SLC6A3: variants seen among roughly 807,000 people sequenced by gnomAD.
The protein encoded by SLC6A3 is sodium-dependent dopamine transporter.
In SLC6A3, 19 loss-of-function variants were observed where a neutral mutation model predicts 70.4. The observed-to-expected ratio is 0.27, with a 90% confidence interval of 0.19 to 0.40. The LOEUF (loss-of-function observed/expected upper bound fraction) is 0.40. SLC6A3 is among the 10% of genes least tolerant of loss of function. The pLI is 1.00. For missense variants in SLC6A3, 613 were observed against 838.5 expected, an observed-to-expected ratio of 0.73 and a Z score of 3.32; for synonymous variants, 368 against 356.6, an observed-to-expected ratio of 1.03 and a Z score of -0.36.
rs397883245 is a variant in SLC6A3 at position 1,421,178 on chromosome 5, G to GTT, written c.793-477_793-476dup. Among the ~76,000 whole-genome samples, 45 of 137,976 alleles carry GTT rather than the reference G, an allele frequency of 3.3e-4. No homozygotes were observed. Among genetic ancestry groups the GTT allele is most frequent in the Non-Finnish European group, 4.2e-4 (27 of 64,488 alleles). 90.5% of individuals were successfully genotyped at this position (137,976 alleles called of 152,430 possible). A position where few individuals can be genotyped will look rare whatever the true frequency, so the allele number is the denominator to read the frequency against. On this transcript the variant is annotated intron_variant, in intron 5 of 14. Transcript: ENST00000270349. This position sits in a 1 kb window ranked among gnomAD's most constrained non-coding sequence, Gnocchi z 7.2. ...GGTTTTGGCCCATATAACAACCAAA[G>GTT]TTTTTTTTTTTTTTTTGAGATGGAG...
chr5:1,443,544 C>G (rs538156583), intron 1 of SLC6A3, among the ~76,000 whole-genome samples: 2 of 152,366 alleles, frequency 1.3e-5, no homozygotes, highest in African/African-American at 4.8e-5. Context: ...TGTGTGAGCT[C>G]TAGCGTGGCT....
Position 1,405,421 on chromosome 5 carries a change from C to A in SLC6A3, c.1599+767G>T, listed in dbSNP as rs1050521130. 7.2e-5 allele frequency among the ~76,000 whole-genome samples: 11 copies of A among 152,216 alleles called. No homozygotes were observed. Among genetic ancestry groups the A allele is most frequent in the African/African-American group, 2.7e-4 (11 of 41,460 alleles). On this transcript the variant is annotated intron_variant, in intron 12 of 14. Coordinates refer to ENST00000270349, the MANE Select transcript of SLC6A3 (RefSeq NM_001044.5). This position sits in a 1 kb window ranked among gnomAD's most constrained non-coding sequence, Gnocchi z 5.3. ...GAGAGGGTGCGGCCTGAGTCCCCTG[C>A]CCTGTTCCAGTCCCCACCTCGTGCC...
rs1434405630 is a variant in SLC6A3 at position 1,408,991 on chromosome 5, AG to A, written c.1498+34del. On this transcript the variant is annotated intron_variant, in intron 11 of 14. Coordinates refer to ENST00000270349, the MANE Select transcript of SLC6A3 (RefSeq NM_001044.5). The surrounding 1 kb of genome is among the most constrained non-coding windows in gnomAD (Gnocchi z 6.4). ...GGGAGTGGCACAGCCACCAAACAAG[AG>A]GGTGCCGGCTTGGCTGCCTTCCCCC... The A allele has an allele frequency of 7.0e-7, 1 of 1,437,736 alleles. No individual in the cohort carries two copies. The highest frequency in any genetic ancestry group is 9.8e-7 in the Non-Finnish European group (1 of 1,021,242). 89.1% of individuals were successfully genotyped at this position (1,437,736 alleles called of 1,614,324 possible). A position where few individuals can be genotyped will look rare whatever the true frequency, so the allele number is the denominator to read the frequency against.
intron 1 of SLC6A3, among the ~76,000 whole-genome samples, chr5:1,444,103 G>A (rs28382217): frequency 1.4e-4 from 21 of 152,310 alleles, no homozygotes; most frequent in South Asian, 6.2e-4. Flanking sequence ...CTCAAAAAGT[G>A]TCTGTACAAG....
chr5:1,434,894 A>G (rs1756792916), intron 3 of SLC6A3, among the ~76,000 whole-genome samples: 2 of 152,214 alleles, frequency 1.3e-5, no homozygotes, highest in South Asian at 4.1e-4. Flanking sequence ...CTTTGTTTTA[A>G]ACAAATCTAA....
chr5:1,399,996 C>G (rs1755807452), intron 14 of SLC6A3, among the ~76,000 whole-genome samples: 1 of 152,196 alleles, frequency 6.6e-6, no homozygotes, highest in Non-Finnish European at 1.5e-5. Context: ...GCTGGGAGGA[C>G]TGTTTACGAG....
rs1472755293 is a variant in SLC6A3 at position 1,437,466 on chromosome 5, G to T, written c.418+3893C>A. Among the ~76,000 whole-genome samples, 2 of 152,202 alleles carry T rather than the reference G, an allele frequency of 1.3e-5. No individual in the cohort carries two copies. Among genetic ancestry groups the T allele is most frequent in the African/African-American group, 4.8e-5 (2 of 41,538 alleles). On this transcript the variant is annotated intron_variant, in intron 3 of 14. Coordinates refer to ENST00000270349, the MANE Select transcript of SLC6A3 (RefSeq NM_001044.5). The surrounding 1 kb of genome is among the most constrained non-coding windows in gnomAD (Gnocchi z 4.8). Reference sequence around the variant, plus strand: ...GGGAGAGAGACAGAAAGAGACACAGGGAGAGGGAAAGAGAGCGAGGGGAAG... The same window carrying T: ...GGGAGAGAGACAGAAAGAGACACAGTGAGAGGGAAAGAGAGCGAGGGGAAG...
Position 1,405,814 on chromosome 5 carries a change from C to T in SLC6A3, c.1599+374G>A, listed in dbSNP as rs1755964363. On this transcript the variant is annotated intron_variant, in intron 12 of 14. Coordinates refer to ENST00000270349, the MANE Select transcript of SLC6A3 (RefSeq NM_001044.5). This position sits in a 1 kb window ranked among gnomAD's most constrained non-coding sequence, Gnocchi z 5.3. ...CTGCTCTCATCCAGCACTCGGCATCCTTTGTCCCCACTGCCCCGGAAGCTC... is the reference window on the plus strand; with the variant it reads ...CTGCTCTCATCCAGCACTCGGCATCTTTTGTCCCCACTGCCCCGGAAGCTC... Among the ~76,000 whole-genome samples the T allele has an allele frequency of 6.6e-6, 1 of 152,064 alleles. No homozygotes were observed. The highest frequency in any genetic ancestry group is 1.5e-5 in the Non-Finnish European group (1 of 68,044).
rs1394377233 is a variant in SLC6A3, at chr5:1,421,528, AAC to A, written c.792+346_792+347del. 1.3e-5 allele frequency among the ~76,000 whole-genome samples: 2 copies of A among 151,994 alleles called. No homozygotes were observed. The highest frequency in any genetic ancestry group is 1.3e-4 in the Admixed American group (2 of 15,262). On this transcript the variant is annotated intron_variant, in intron 5 of 14. Transcript: ENST00000270349. The surrounding 1 kb of genome is among the most constrained non-coding windows in gnomAD (Gnocchi z 7.2). ...GCTTCCCTCCTGAGGCCCTTCCCCA[AAC>A]ACAGCCACACGTGGACCCAAAACCC...
chr5:1,418,742 TCATC>T (rs1382174037), intron 6 of SLC6A3, among the ~76,000 whole-genome samples: 2 of 148,002 alleles, frequency 1.4e-5, no homozygotes, highest in Non-Finnish European at 3.0e-5. Context: ...CACCCATCCA[TCATC>T]CATCCATCCA....
At position 1,408,198 on chromosome 5, in the gene SLC6A3, G is replaced by A. The variant is rs553043245; in HGVS notation, c.1498+828C>T. ...ATTATAGCCTTGTGCCACCACACCC[G>A]GCTAATTTTTTTTTTTTTTTTTTTT... is the stretch of plus-strand genomic sequence containing the variant. On this transcript the variant is annotated intron_variant, in intron 11 of 14. Coordinates refer to ENST00000270349, the MANE Select transcript of SLC6A3 (RefSeq NM_001044.5). The surrounding 1 kb of genome is among the most constrained non-coding windows in gnomAD (Gnocchi z 6.4). Among the ~76,000 whole-genome samples the A allele has an allele frequency of 2.2e-5, 3 of 133,826 alleles. No homozygotes were observed. The highest frequency in any genetic ancestry group is 2.3e-4 in the South Asian group (1 of 4,320). 87.8% of individuals were successfully genotyped at this position (133,826 alleles called of 152,430 possible). A position where few individuals can be genotyped will look rare whatever the true frequency, so the allele number is the denominator to read the frequency against.
Position 1,401,070 on chromosome 5 carries a change from T to A in SLC6A3, c.1768-84A>T. On this transcript the variant is annotated intron_variant, in intron 13 of 14. Transcript: ENST00000270349. This position sits in a 1 kb window ranked among gnomAD's most constrained non-coding sequence, Gnocchi z 6.1. ...CCACTGACTCACACTGCCAGGACCC[T>A]CACCTACCAGCACCCTCACCACCAG... The A allele has an allele frequency of 9.6e-7, 1 of 1,041,886 alleles. No homozygotes were observed. The highest frequency in any genetic ancestry group is 1.5e-6 in the Non-Finnish European group (1 of 682,184). 64.5% of individuals were successfully genotyped at this position (1,041,886 alleles called of 1,614,324 possible). A position where few individuals can be genotyped will look rare whatever the true frequency, so the allele number is the denominator to read the frequency against.
At chr5:1,407,378 G>T (rs542976524) in intron 11 of SLC6A3, among the ~76,000 whole-genome samples, 1 of 152,160 alleles carries the variant, frequency 6.6e-6, no homozygotes, top group East Asian at 1.9e-4. Context: ...GAGGCCGGAA[G>T]AAGCCAAGAG....
At chr5:1,403,888 C>A (rs1361618282) in intron 12 of SLC6A3, among the ~76,000 whole-genome samples, 4 of 152,210 alleles carry the variant, frequency 2.6e-5, no homozygotes, top group South Asian at 2.1e-4. Context: ...AAACATGCAC[C>A]ACCATCTAAA....
In SLC6A3 at chr5:1,442,161, G is replaced by A. The variant is rs528663844; in HGVS notation, c.287-671C>T. ...CCACTCTCTCTCCTGGGGAAGGGGA[G>A]GGGGAGGCATGGGGCCCCTCAGCTC... On this transcript the variant is annotated intron_variant, in intron 2 of 14. Transcript: ENST00000270349. This position sits in a 1 kb window ranked among gnomAD's most constrained non-coding sequence, Gnocchi z 5.0. Among the ~76,000 whole-genome samples, 2 of 152,296 alleles carry A rather than the reference G, an allele frequency of 1.3e-5. No individual in the cohort carries two copies. Among genetic ancestry groups the A allele is most frequent in the South Asian group, 2.1e-4 (1 of 4,830 alleles).
rs1036715214 is a variant in SLC6A3, at chr5:1,411,441, C to T, written c.1157-86G>A. 3 of 986,190 alleles carry T rather than the reference C, an allele frequency of 3.0e-6. No homozygotes were observed. Among genetic ancestry groups the T allele is most frequent in the Non-Finnish European group, 4.7e-6 (3 of 635,960 alleles). 61.1% of individuals were successfully genotyped at this position (986,190 alleles called of 1,614,324 possible). On this transcript the variant is annotated intron_variant, in intron 8 of 14. Coordinates refer to ENST00000270349, the MANE Select transcript of SLC6A3 (RefSeq NM_001044.5). This position sits in a 1 kb window ranked among gnomAD's most constrained non-coding sequence, Gnocchi z 6.5. ...CCCCACCCCGCCCCGAGAAGCATGGCCTGCCACAGGCCTGTAGAGACTAGG... is the reference window on the plus strand; with the variant it reads ...CCCCACCCCGCCCCGAGAAGCATGGTCTGCCACAGGCCTGTAGAGACTAGG...
At position 1,409,089 on chromosome 5, in the gene SLC6A3, C is replaced by T; in HGVS notation, c.1435G>A (p.Ala479Thr). 1 of 1,612,924 alleles carries T rather than the reference C, an allele frequency of 6.2e-7. No individual in the cohort carries two copies. ...CCAAAGAGGATGGACGTGCCGGCTG[C>T]AAAATGGTCCAGGAGCGTGAAGACG... The part of the protein sequence containing the change: ...IYVFTLLDHF[A>T]AGTSILFGVL... Residue 479 changes from alanine (A) to threonine (T), a missense_variant, in exon 11 of 15, where the codon GCA becomes ACA. Transcript: ENST00000270349.
In SLC6A3 at chr5:1,394,753, G is replaced by A. The variant is rs1460663365; in HGVS notation, c.1845C>T (p.Arg615=). ...DRGEVRQFTL[R]HWLKV Reference sequence around the variant, plus strand: ...GCTCCCTCTACACCTTGAGCCAGTGGCGGAGCTGGAAAGAAAACAGGTTTA... The same window carrying A: ...GCTCCCTCTACACCTTGAGCCAGTGACGGAGCTGGAAAGAAAACAGGTTTA... The change falls in exon 15 of 15, where the codon CGC becomes CGT. Residue 615 remains arginine (R), a synonymous_variant. Transcript: ENST00000270349. This position sits in a 1 kb window ranked among gnomAD's most constrained non-coding sequence, Gnocchi z 4.7. 2 of 1,614,054 alleles carry A rather than the reference G, an allele frequency of 1.2e-6. No individual in the cohort carries two copies. The highest frequency in any genetic ancestry group is 1.7e-6 in the Non-Finnish European group (2 of 1,180,036).
At chr5:1,435,832 G>C (rs6886753) in intron 3 of SLC6A3, among the ~76,000 whole-genome samples, 8 of 94,442 alleles carry the variant, frequency 8.5e-5, no homozygotes, top group African/African-American at 1.4e-4. Flanking sequence ...CTGGGCACCT[G>C]GGTGAGGAAA....
Sources: gnomAD v4.1 joint callset for allele counts (sites outside exome capture counted in the v4.1 genomes callset) on GRCh38, gnomAD v4.1.1 for gene constraint, Gnocchi (gnomAD v3.1) non-coding constraint, MANE v1.5 for transcripts, NCBI Gene and HGNC (gene_info 2026-07-23, HGNC 2026-07-21) for gene names.